SMCHD1: variants seen among roughly 807,000 people sequenced by gnomAD.
SMCHD1 encodes structural maintenance of chromosomes flexible hinge domain containing 1.
A neutral mutation model predicts 254.7 loss-of-function variants in SMCHD1; 78 were observed. That is an observed-to-expected ratio of 0.31 (90% CI 0.26 to 0.37). The LOEUF is 0.37. Ranked by LOEUF, SMCHD1 falls within the 10% of genes least tolerant of loss-of-function variation. SMCHD1 has a pLI of 1.00. For synonymous variants in SMCHD1, 766 were observed against 794.9 expected (o/e 0.96, Z 0.61); for missense variants, 1,840 against 2,408.1 (o/e 0.76, Z 4.94).
Position 2,722,541 on chromosome 18 carries a change from A to G in SMCHD1, c.2481A>G (p.Ser827=). The G allele has an allele frequency of 6.2e-7, 1 of 1,612,422 alleles. No individual in the cohort carries two copies. Among genetic ancestry groups the G allele is most frequent in the East Asian group, 2.2e-5 (1 of 44,788 alleles). The part of the protein sequence containing the change: ...SVKEGKPEKF[S]FGLLDLPFRV... ...AAGAGGGTAAGCCAGAGAAATTTTC[A>G]TTTGGTCTTCTGGATCTTCCTTTTC... The change falls in exon 20 of 48, where the codon TCA becomes TCG. Residue 827 remains serine (S), a synonymous_variant. Coordinates refer to ENST00000320876, the MANE Select transcript of SMCHD1 (RefSeq NM_015295.3).
intron 24 of SMCHD1, among the ~76,000 whole-genome samples, chr18:2,731,437 ATGCCAATATGT>A (rs2075137995): frequency 6.6e-6 from 1 of 152,196 alleles, no homozygotes; most frequent in African/African-American, 2.4e-5. Context: ...AATTGTAAAT[ATGCCAATATGT>A]TGACCAGTTG....
chr18:2,663,390 C>T (rs566490590), intron 1 of SMCHD1, among the ~76,000 whole-genome samples: 218 of 152,036 alleles, frequency 1.4e-3, no homozygotes, highest in African/African-American at 4.8e-3. Context: ...GGGATTACAG[C>T]TGTGAACCAC....
At chr18:2,729,821 A>AC (rs1474002053) in intron 24 of SMCHD1, among the ~76,000 whole-genome samples, 1 of 151,464 alleles carries the variant, frequency 6.6e-6, no homozygotes, top group Non-Finnish European at 1.5e-5. Flanking sequence ...TGATGTGCTC[A>AC]CCTCAGCCTC....
chr18:2,752,394 T>G, intron 33 of SMCHD1, 94 bp from the exon 34 acceptor site: 1 of 756,362 alleles, frequency 1.3e-6, no homozygotes, highest in South Asian at 1.5e-5. Context: ...AGATACACAT[T>G]CAGTTTAGGT....
Position 2,674,075 on chromosome 18 carries a change from A to C in SMCHD1, c.568A>C (p.Thr190Pro), listed in dbSNP as rs1304113219. Residue 190 changes from threonine to proline, a missense_variant, in exon 5 of 48, where the codon ACC becomes CCC. Thr to Pro is a conservative substitution (Grantham distance 38). Around this residue, in one of 9 missense-constraint regions of SMCHD1, gnomAD observed 498 missense variants for 743.5 expected, o/e 0.67. Transcript: ENST00000320876. ...VAVIDNGRGMTSKQLNNWAVY... is the reference protein window; with the variant it reads ...VAVIDNGRGMPSKQLNNWAVY... ...AGTGATAGATAATGGAAGAGGAATG[A>C]CCTCTAAACAGCTTAACAACTGGGC... 3.1e-6 allele frequency: 5 copies of C among 1,602,788 alleles called. No homozygotes were observed. Among genetic ancestry groups the C allele is most frequent in the Non-Finnish European group, 8.5e-7 (1 of 1,174,080 alleles).
chr18:2,737,358 C>T (rs1414284346), intron 25 of SMCHD1, among the ~76,000 whole-genome samples: 1 of 152,084 alleles, frequency 6.6e-6, no homozygotes, highest in Non-Finnish European at 1.5e-5. Context: ...AACTTGTATA[C>T]GTACCTACTG....
chr18:2,706,827 C>T (rs1368458436), intron 15 of SMCHD1, among the ~76,000 whole-genome samples: 1 of 152,148 alleles, frequency 6.6e-6, no homozygotes, highest in Non-Finnish European at 1.5e-5. Context: ...TATAAAGATA[C>T]TACCTGAGAC....
chr18:2,699,169 C>G (rs1212204892), intron 10 of SMCHD1, among the ~76,000 whole-genome samples: 2 of 152,218 alleles, frequency 1.3e-5, no homozygotes, highest in East Asian at 3.9e-4. Context: ...CAAACTACTC[C>G]CTGCCTTAGT....
In SMCHD1 at chr18:2,655,836, C is replaced by T; in HGVS notation, c.-240C>T. Reference sequence around the variant, plus strand: ...AGCGCGCCGCGCGTCCCCTTCTCCTCAGGAGTGGCGGGCCGCGGAAGTGAC... The same window carrying T: ...AGCGCGCCGCGCGTCCCCTTCTCCTTAGGAGTGGCGGGCCGCGGAAGTGAC... On this transcript the variant is annotated 5_prime_UTR_variant, in exon 1 of 48. Coordinates refer to ENST00000320876, the MANE Select transcript of SMCHD1 (RefSeq NM_015295.3). The T allele has an allele frequency of 2.9e-6, 1 of 344,726 alleles. No individual in the cohort carries two copies. Among genetic ancestry groups the T allele is most frequent in the East Asian group, 4.3e-5 (1 of 23,022 alleles). The allele number at this position is 344,726 out of a possible 1,614,324, so 21.4% of individuals were successfully genotyped here.
At position 2,802,608 on chromosome 18, in the gene SMCHD1, T is replaced by C. The variant is rs1371501125; in HGVS notation, c.*56T>C. 1 of 1,489,636 alleles carries C rather than the reference T, an allele frequency of 6.7e-7. No individual in the cohort carries two copies. The highest frequency in any genetic ancestry group is 2.5e-5 in the East Asian group (1 of 39,292). 92.3% of individuals were successfully genotyped at this position (1,489,636 alleles called of 1,614,324 possible). On this transcript the variant is annotated 3_prime_UTR_variant, in exon 48 of 48. Transcript: ENST00000320876. Reference sequence around the variant, plus strand: ...CAGTAAGAATGCCCTGCTTTCTGCATCTCTGTTTCAGAAGACCAAGAGGGT... The same window carrying C: ...CAGTAAGAATGCCCTGCTTTCTGCACCTCTGTTTCAGAAGACCAAGAGGGT...
intron 5 of SMCHD1, among the ~76,000 whole-genome samples, chr18:2,687,458 A>G (rs1341822672): frequency 6.6e-6 from 1 of 151,926 alleles, no homozygotes; most frequent in Non-Finnish European, 1.5e-5. Context: ...AAGCCTGCTC[A>G]TCTGTTTTGT....
intron 5 of SMCHD1, among the ~76,000 whole-genome samples, chr18:2,679,662 G>T (rs1208262191): frequency 6.6e-6 from 1 of 151,788 alleles, no homozygotes; most frequent in Non-Finnish European, 1.5e-5. Context: ...TTCTCTTTTT[G>T]TCTCTGGCTT....
intron 36 of SMCHD1, 78 bp downstream of exon 36, chr18:2,762,314 T>C (rs1034154490): frequency 7.1e-7 from 1 of 1,405,520 alleles, no homozygotes; most frequent in East Asian, 2.3e-5. Context: ...AAATTATTTG[T>C]ATGGATTCTG....
At chr18:2,714,271 A>G (rs1030788514) in intron 17 of SMCHD1, among the ~76,000 whole-genome samples, 5 of 152,218 alleles carry the variant, frequency 3.3e-5, no homozygotes, top group East Asian at 1.9e-4. Flanking sequence ...TTTATAGTCT[A>G]TTTTATTTGA....
chr18:2,703,175 A>G (rs1270091847), intron 12 of SMCHD1, among the ~76,000 whole-genome samples: 1 of 152,184 alleles, frequency 6.6e-6, no homozygotes, highest in Non-Finnish European at 1.5e-5. Flanking sequence ...TCACCCTCAT[A>G]AGGAGTCTTT....
chr18:2,660,567 A>C (rs1479961308), intron 1 of SMCHD1, among the ~76,000 whole-genome samples: 1 of 145,752 alleles, frequency 6.9e-6, no homozygotes, highest in African/African-American at 2.6e-5. Context: ...TCCGCCTCCC[A>C]AGTTCCAGCG....
At chr18:2,683,924 G>T in intron 5 of SMCHD1, among the ~76,000 whole-genome samples, 1 of 151,414 alleles carries the variant, frequency 6.6e-6, no homozygotes, top group Admixed American at 6.6e-5. Flanking sequence ...ATATGAAATG[G>T]GTTTCTTATA....
intron 36 of SMCHD1, among the ~76,000 whole-genome samples, chr18:2,762,742 C>T (rs564601582): frequency 6.6e-6 from 1 of 152,250 alleles, no homozygotes; most frequent in East Asian, 1.9e-4. Context: ...CCTGCCTCAG[C>T]CTTCCAAAGT....
At chr18:2,674,903 A>G in intron 5 of SMCHD1, among the ~76,000 whole-genome samples, 1 of 152,220 alleles carries the variant, frequency 6.6e-6, no homozygotes, top group East Asian at 1.9e-4. Context: ...TAGCTAAAAC[A>G]TTGGTCTTCT....
Sources: gnomAD v4.1 joint callset for allele counts (sites outside exome capture counted in the v4.1 genomes callset) on GRCh38, gnomAD v4.1.1 for gene constraint, gnomAD v4.1.1 regional missense constraint, MANE v1.5 for transcripts, NCBI Gene and HGNC (gene_info 2026-07-23, HGNC 2026-07-21) for gene names.